SPATA17: variants seen among roughly 807,000 people sequenced by gnomAD.
SPATA17 encodes the protein spermatogenesis associated 17.
A neutral mutation model predicts 62.2 loss-of-function variants in SPATA17; 53 were observed. The observed-to-expected ratio is 0.85, with a 90% CI of 0.68 to 1.07. SPATA17 has a LOEUF of 1.07. SPATA17 is among the 50% of genes least tolerant of loss of function. The pLI, the probability that SPATA17 is intolerant of heterozygous loss-of-function variation, is 0.00. For synonymous variants in SPATA17, 146 were observed against 146.8 expected (o/e 0.99, Z 0.04); for missense variants, 466 against 425.5 (o/e 1.10, Z -0.84).
intron 9 of SPATA17, among the ~76,000 whole-genome samples, chr1:217,822,419 T>C (rs1571828035): frequency 6.6e-6 from 1 of 151,462 alleles, no homozygotes; most frequent in African/African-American, 2.4e-5. Flanking sequence ...TGTCTTTTTC[T>C]TACTATTTTT....
intron 9 of SPATA17, among the ~76,000 whole-genome samples, chr1:217,855,278 G>A (rs989091480): frequency 6.6e-6 from 1 of 152,046 alleles, no homozygotes; most frequent in Admixed American, 6.6e-5. Context: ...TTTTTAAATT[G>A]ACACATCTTT....
intron 9 of SPATA17, among the ~76,000 whole-genome samples, chr1:217,851,494 T>C (rs981863896): frequency 6.6e-6 from 1 of 152,120 alleles, no homozygotes; most frequent in East Asian, 1.9e-4. Context: ...TAAAAAACCT[T>C]GTAAGAAAAA....
chr1:217,839,706 C>CT (rs34384178), intron 9 of SPATA17, among the ~76,000 whole-genome samples: 4,828 of 149,514 alleles, frequency 0.032, 114 homozygotes, highest in Middle Eastern at 0.063. Context: ...CCATATATAT[C>CT]TTTTTTTTTT....
Position 217,755,811 on chromosome 1 carries a change from TGG to T in SPATA17, c.519+13714_519+13715del, listed in dbSNP as rs1439062379. Among the ~76,000 whole-genome samples the T allele has an allele frequency of 5.3e-5, 8 of 152,164 alleles. No homozygotes were observed. The East Asian group carries it at 7.7e-4, about 15-fold the overall frequency. On this transcript the variant is annotated intron_variant, in intron 6 of 10. Coordinates refer to ENST00000366933, the MANE Select transcript of SPATA17 (RefSeq NM_138796.4). The stretch of plus-strand genomic sequence containing the variant: ...TAAGTTAACTTACGATCATCTGTAT[TGG>T]TCTTAAACTCACATCACTGAAATTA...
chr1:217,677,947 G>A (rs1670990028), intron 4 of SPATA17, among the ~76,000 whole-genome samples: 2 of 152,124 alleles, frequency 1.3e-5, no homozygotes, highest in Admixed American at 6.5e-5. Flanking sequence ...TGGTTGTGAC[G>A]TGACAATGCA....
intron 5 of SPATA17, among the ~76,000 whole-genome samples, chr1:217,697,423 A>G (rs994383572): frequency 6.6e-6 from 1 of 152,222 alleles, no homozygotes; most frequent in Admixed American, 6.5e-5. Context: ...AGAACAGCTA[A>G]TTTGCAATCC....
At chr1:217,640,392 C>T (rs1179014274) in intron 1 of SPATA17, among the ~76,000 whole-genome samples, 9 of 150,974 alleles carry the variant, frequency 6.0e-5, no homozygotes, top group Admixed American at 4.6e-4. Flanking sequence ...TTAACAAGTT[C>T]GCAGGATGCA....
chr1:217,793,572 T>C (rs983094400), intron 8 of SPATA17, among the ~76,000 whole-genome samples: 14 of 152,168 alleles, frequency 9.2e-5, no homozygotes, highest in Admixed American at 8.5e-4. Flanking sequence ...TTTAAAAATA[T>C]ATGCATATGA....
intron 9 of SPATA17, among the ~76,000 whole-genome samples, chr1:217,832,223 T>C (rs1675159567): frequency 6.6e-6 from 1 of 152,144 alleles, no homozygotes; most frequent in Admixed American, 6.5e-5. Context: ...ATATAAAATG[T>C]ATGCTTAGTT....
chr1:217,811,835 G>A (rs982832480), intron 9 of SPATA17, among the ~76,000 whole-genome samples: 1 of 152,106 alleles, frequency 6.6e-6, no homozygotes, highest in Admixed American at 6.5e-5. Context: ...AAGCAACTTG[G>A]ATGGGACTTG....
intron 6 of SPATA17, among the ~76,000 whole-genome samples, chr1:217,742,337 C>T (rs756890175): frequency 6.6e-6 from 1 of 152,224 alleles, no homozygotes; most frequent in East Asian, 1.9e-4. Flanking sequence ...GCAGTGTGAT[C>T]TGCCACGGTG....
chr1:217,768,454 C>G (rs1673357230), intron 6 of SPATA17, among the ~76,000 whole-genome samples: 1 of 150,570 alleles, frequency 6.6e-6, no homozygotes, highest in African/African-American at 2.4e-5. Flanking sequence ...TTATATTGGT[C>G]TTGAATACCT....
intron 5 of SPATA17, among the ~76,000 whole-genome samples, chr1:217,705,472 C>T (rs111711875): frequency 0.21 from 23,870 of 112,852 alleles, 2,473 homozygotes; most frequent in African/African-American, 0.31. Flanking sequence ...GATGGAGTCT[C>T]GCTCCATCAC....
At position 217,858,271 on chromosome 1, in the gene SPATA17, A is replaced by G. The variant is rs75291799; in HGVS notation, c.1006-4503A>G. Among the ~76,000 whole-genome samples the G allele has an allele frequency of 4.4e-3, 668 of 152,302 alleles. 25 individuals carry two copies. The East Asian group carries it at 0.071, about 16-fold the overall frequency. ...CCTGTTTCACCACATTATTGCCCCAAAATTAGTCTCCTGTAAGTGCCAATG... is the reference window on the plus strand; with the variant it reads ...CCTGTTTCACCACATTATTGCCCCAGAATTAGTCTCCTGTAAGTGCCAATG... On this transcript the variant is annotated intron_variant, in intron 9 of 10. Coordinates refer to ENST00000366933, the MANE Select transcript of SPATA17 (RefSeq NM_138796.4).
intron 6 of SPATA17, among the ~76,000 whole-genome samples, chr1:217,746,670 A>G (rs1672760317): frequency 6.6e-6 from 1 of 151,904 alleles, no homozygotes; most frequent in South Asian, 2.1e-4. Context: ...TACAAATCCA[A>G]TGTATACCTT....
intron 5 of SPATA17, among the ~76,000 whole-genome samples, chr1:217,737,013 A>C (rs1672523167): frequency 6.6e-6 from 1 of 152,168 alleles, no homozygotes; most frequent in Admixed American, 6.5e-5. Context: ...TATATGTAAT[A>C]CAAAGCTACC....
In SPATA17 at chr1:217,744,366, G is replaced by T. The variant is rs192939956; in HGVS notation, c.519+2268G>T. Among the ~76,000 whole-genome samples, 3 of 79,806 alleles carry T rather than the reference G, an allele frequency of 3.8e-5. No homozygotes were observed. The East Asian group carries it at 8.0e-4, about 21-fold the overall frequency. The allele number at this position is 79,806 out of a possible 152,430, so 52.4% of individuals were successfully genotyped here. A position where few individuals can be genotyped will look rare whatever the true frequency, so the allele number is the denominator to read the frequency against. ...TAGTCCCAGCTACTTGGGAGGCTGA[G>T]GCAGGAGAATGGCGTGAACCCGGGA... On this transcript the variant is annotated intron_variant, in intron 6 of 10. Transcript: ENST00000366933.
chr1:217,774,323 T>A lies in SPATA17; in HGVS notation c.520-11T>A. ...TAAAGAAAAAATCAAAATTGCTTTC[T>A]TCTTCTTTAGATTCCAGGAATATAC... On this transcript the variant is annotated splice_polypyrimidine_tract_variant and intron_variant, in intron 6 of 10. Transcript: ENST00000366933. The A allele has an allele frequency of 6.2e-7, 1 of 1,602,706 alleles. No individual in the cohort carries two copies. The highest frequency in any genetic ancestry group is 1.3e-5 in the African/African-American group (1 of 74,252).
At chr1:217,773,110 G>T (rs1673495329) in intron 6 of SPATA17, among the ~76,000 whole-genome samples, 1 of 152,186 alleles carries the variant, frequency 6.6e-6, no homozygotes, top group Admixed American at 6.5e-5. Context: ...TCCAGCCTGG[G>T]TAGGTATTTG....
Sources: allele counts gnomAD v4.1 joint callset (sites outside exome capture counted in the v4.1 genomes callset), GRCh38; gene constraint gnomAD v4.1.1; transcripts MANE v1.5; gene names NCBI Gene and HGNC (gene_info 2026-07-23, HGNC 2026-07-21).